LAMA4: variants seen among roughly 807,000 people sequenced by gnomAD.
The protein encoded by LAMA4 is laminin subunit alpha-4.
In LAMA4, 127 loss-of-function variants were observed where a neutral mutation model predicts 207.1. That is an observed-to-expected ratio of 0.61 (90% CI 0.53 to 0.71). The LOEUF is 0.71. Among genes scored for constraint, LAMA4 ranks in the 30% least tolerant of loss-of-function variants. The pLI, the probability that LAMA4 is intolerant of heterozygous loss-of-function variation, is 0.00. For synonymous variants in LAMA4, 761 were observed against 816.0 expected, an observed-to-expected ratio of 0.93 and a Z score of 1.15; for missense variants, 2,093 against 2,246.5, an observed-to-expected ratio of 0.93 and a Z score of 1.38.
intron 17 of LAMA4, among the ~76,000 whole-genome samples, chr6:112,148,567 A>G (rs1554335110): frequency 6.6e-6 from 1 of 152,214 alleles, no homozygotes. Flanking sequence ...AGCCATAGAA[A>G]ATGCACATGA....
In LAMA4 at chr6:112,139,164, G is replaced by C; in HGVS notation, c.3238C>G (p.Arg1080Gly). 6.2e-7 allele frequency: 1 copy of C among 1,614,104 alleles called. No homozygotes were observed. Among genetic ancestry groups the C allele is most frequent in the Non-Finnish European group, 8.5e-7 (1 of 1,179,994 alleles). Residue 1080 changes from arginine to glycine, a missense_variant, in exon 24 of 39, where the codon CGA becomes GGA. Arg to Gly is a moderately radical substitution (Grantham distance 125). Transcript: ENST00000230538. ...ATAAGGCCGTTGTCAGCTGGTGTTC[G>C]AACTTCTATGTCAAAGCGAGTCACC... ...GQVTRFDIEV[R>G]TPADNGLILL...
chr6:112,167,215 G>A (rs1440966601), intron 12 of LAMA4, among the ~76,000 whole-genome samples: 1 of 152,188 alleles, frequency 6.6e-6, no homozygotes, highest in Non-Finnish European at 1.5e-5. Context: ...CCATGCTGTA[G>A]GTGTAATAGT....
chr6:112,226,964 A>G (rs1316640133), intron 2 of LAMA4, among the ~76,000 whole-genome samples: 4 of 152,170 alleles, frequency 2.6e-5, no homozygotes, highest in African/African-American at 9.7e-5. Flanking sequence ...AGAAAGAAAT[A>G]GGAATCTGAG....
rs1390894585 is a variant in LAMA4 at position 112,190,928 on chromosome 6, TTTC to T, written c.718+705_718+707del. Among the ~76,000 whole-genome samples, 213 of 100,620 alleles carry T rather than the reference TTTC, an allele frequency of 2.1e-3. 7 individuals carry two copies. The highest frequency in any genetic ancestry group is 7.8e-3 in the African/African-American group (204 of 26,252). 66.0% of individuals were successfully genotyped at this position (100,620 alleles called of 152,430 possible). ...CTTTCTTTCTTTCTTTCTTTCTTTC[TTTC>T]TTTCTTTCTTTCTTTCCTTTCTTTC... On this transcript the variant is annotated intron_variant, in intron 6 of 38. Coordinates refer to ENST00000230538, the MANE Select transcript of LAMA4 (RefSeq NM_001105206.3).
In LAMA4 at chr6:112,175,321, G is replaced by GCCTCATCTGCCT. The variant is rs1562695202; in HGVS notation, c.1337_1348dup (p.Glu446_Glu449dup). The GCCTCATCTGCCT allele has an allele frequency of 6.2e-7, 1 of 1,614,040 alleles. No homozygotes were observed. Among genetic ancestry groups the GCCTCATCTGCCT allele is most frequent in the Non-Finnish European group, 8.5e-7 (1 of 1,179,944 alleles). ...GAGAGGAATACACCTACGTTCGTAA[G>GCCTCATCTGCCT]CCTCATCTGCCTCCTCATCCACGAG... On this transcript the variant is annotated inframe_insertion, in exon 11 of 39. Transcript: ENST00000230538.
chr6:112,142,866 T>C (rs1349140294), intron 19 of LAMA4, among the ~76,000 whole-genome samples: 7 of 152,204 alleles, frequency 4.6e-5, no homozygotes, highest in Non-Finnish European at 7.3e-5. Flanking sequence ...TTCAGTTTCC[T>C]CATCTGTGAA....
intron 16 of LAMA4, 172 bp downstream of exon 16, chr6:112,154,679 A>G (rs1780598142): frequency 3.2e-6 from 2 of 628,726 alleles, no homozygotes; most frequent in Non-Finnish European, 5.7e-6. Context: ...ATCACAATTT[A>G]AAGTATCAAA....
At position 112,253,763 on chromosome 6, in the gene LAMA4, T is replaced by C. The variant is rs181579627; in HGVS notation, c.195+193A>G. On this transcript the variant is annotated intron_variant, in intron 2 of 38. Transcript: ENST00000230538. ...CAGACACATTCCGAAGCCTCAACTT[T>C]CAACTCTCAACATCCAAATGCAACT... The C allele has an allele frequency of 3.7e-5, 59 of 1,613,982 alleles. No homozygotes were observed. In the African/African-American group the frequency reaches 7.3e-4, roughly 20 times the overall value.
rs1778099253 is a variant in LAMA4 at position 112,117,667 on chromosome 6, C to G, written c.4981+72G>C. 6.9e-7 allele frequency: 1 copy of G among 1,458,642 alleles called. No homozygotes were observed. The highest frequency in any genetic ancestry group is 1.4e-5 in the African/African-American group (1 of 71,734). The allele number at this position is 1,458,642 out of a possible 1,614,324, so 90.4% of individuals were successfully genotyped here. ...GCATTCTTAAGTTTTAACTCTGGGCCTGATATTCCCTGTTAGCCATCTCCA... is the reference window on the plus strand; with the variant it reads ...GCATTCTTAAGTTTTAACTCTGGGCGTGATATTCCCTGTTAGCCATCTCCA... On this transcript the variant is annotated intron_variant, in intron 35 of 38. Transcript: ENST00000230538. This position sits in a 1 kb window ranked among gnomAD's most constrained non-coding sequence, Gnocchi z 4.5.
chr6:112,163,833 T>C (rs2114823756), intron 13 of LAMA4, among the ~76,000 whole-genome samples: 1 of 152,176 alleles, frequency 6.6e-6, no homozygotes, highest in African/African-American at 2.4e-5. Flanking sequence ...CTGATGGTAA[T>C]GATTAAGTAA....
intron 27 of LAMA4, among the ~76,000 whole-genome samples, 177 bp from the exon 28 acceptor site, chr6:112,133,067 T>C (rs1355139522): frequency 6.6e-6 from 1 of 152,072 alleles, no homozygotes; most frequent in African/African-American, 2.4e-5. Context: ...AGAGATGGGG[T>C]TTCATCTTCT....
At chr6:112,176,142 T>C (rs1256276865) in intron 10 of LAMA4, among the ~76,000 whole-genome samples, 1 of 152,220 alleles carries the variant, frequency 6.6e-6, no homozygotes, top group Non-Finnish European at 1.5e-5. Flanking sequence ...GCGTGACTAC[T>C]CTAGGTCATT....
At chr6:112,207,910 T>C (rs1784155985) in intron 3 of LAMA4, among the ~76,000 whole-genome samples, 1 of 152,186 alleles carries the variant, frequency 6.6e-6, no homozygotes, top group Non-Finnish European at 1.5e-5. Context: ...AGTGCTATTA[T>C]CTATTCTCAG....
chr6:112,121,581 G>A (rs1745239595), intron 32 of LAMA4, among the ~76,000 whole-genome samples: 1 of 152,220 alleles, frequency 6.6e-6, no homozygotes, highest in Non-Finnish European at 1.5e-5. Context: ...GTTGGAGATA[G>A]CTGGAGGGTC....
intron 12 of LAMA4, among the ~76,000 whole-genome samples, chr6:112,169,181 G>A (rs1781572613): frequency 6.6e-6 from 1 of 152,178 alleles, no homozygotes; most frequent in African/African-American, 2.4e-5. Context: ...CTCAAGGGGA[G>A]AGAAGCTGGG....
At chr6:112,229,169 A>G (rs1467079169) in intron 2 of LAMA4, among the ~76,000 whole-genome samples, 3 of 152,226 alleles carry the variant, frequency 2.0e-5, no homozygotes, top group Non-Finnish European at 4.4e-5. Flanking sequence ...ATACGACACC[A>G]GAAATCCCTG....
intron 2 of LAMA4, among the ~76,000 whole-genome samples, chr6:112,233,659 AT>A (rs1161855840): frequency 6.6e-6 from 1 of 151,984 alleles, no homozygotes; most frequent in East Asian, 1.9e-4. Context: ...TTTGTGGAGG[AT>A]TTTCTGAAAG....
chr6:112,168,574 G>T (rs1554340850), intron 12 of LAMA4, among the ~76,000 whole-genome samples: 1 of 151,946 alleles, frequency 6.6e-6, no homozygotes, highest in Non-Finnish European at 1.5e-5. Flanking sequence ...TTGAACTCCT[G>T]ACCTCAGGTG....
intron 2 of LAMA4, chr6:112,234,861 C>G (rs1369210190): frequency 1.3e-5 from 2 of 152,160 alleles, no homozygotes; most frequent in Non-Finnish European, 2.9e-5. Flanking sequence ...GAGCCCAGCC[C>G]TTTAATAAAA....
Sources: allele counts gnomAD v4.1 joint callset (sites outside exome capture counted in the v4.1 genomes callset), GRCh38; gene constraint gnomAD v4.1.1; non-coding constraint Gnocchi (gnomAD v3.1); transcripts MANE v1.5; gene names NCBI Gene and HGNC (gene_info 2026-07-23, HGNC 2026-07-21).